Variants in NRXN3 observed in about 807,000 individuals in gnomAD.
NRXN3 encodes neurexin 3, also known as neurexin III.
NRXN3 carries 32 observed loss-of-function variants against 137.6 expected under a neutral mutation model. The ratio of observed to expected loss-of-function variants is 0.23; its 90% CI spans 0.18 to 0.31. The LOEUF is 0.31. Ranked by LOEUF, NRXN3 falls within the 10% of genes least tolerant of loss-of-function variation. The probability of loss-of-function intolerance (pLI) is 1.00; values close to 1 mark genes in which losing one functional copy is unlikely to be tolerated. For missense variants in NRXN3, 1,574 were observed against 2,062.5 expected, an observed-to-expected ratio of 0.76 and a Z score of 4.59; for synonymous variants, 798 against 784.5, an observed-to-expected ratio of 1.02 and a Z score of -0.29.
intron 19 of NRXN3, among the ~76,000 whole-genome samples, chr14:79,752,477 C>T (rs904013931): frequency 5.9e-5 from 9 of 152,140 alleles, no homozygotes; most frequent in African/African-American, 2.2e-4. Context: ...AAAGGATTCC[C>T]TATTTAATAA....
At chr14:79,012,395 A>G (rs1371909282) in intron 15 of NRXN3, among the ~76,000 whole-genome samples, 1 of 152,188 alleles carries the variant, frequency 6.6e-6, no homozygotes, top group Non-Finnish European at 1.5e-5. Flanking sequence ...AAAGAGGCAG[A>G]AATAGTAGAA....
chr14:79,703,427 CAG>C lies in NRXN3; in HGVS notation c.4014+5493_4014+5494del, dbSNP rs767516583. On this transcript the variant is annotated intron_variant, in intron 19 of 20. Transcript: ENST00000335750. ...TGTTGAAGAGCGTGGGCTTTTGCGT[CAG>C]AGTTTCTGAGTTGGACTCCAGGTTT... Among the ~76,000 whole-genome samples, 32 of 152,170 alleles carry C rather than the reference CAG, an allele frequency of 2.1e-4. 2 individuals carry two copies. In the East Asian group the frequency reaches 5.6e-3, roughly 27 times the overall value.
chr14:79,238,165 A>G lies in NRXN3; in HGVS notation c.3263-229056A>G, dbSNP rs2073726437. ...ACTTACAAGCGGGTGTGCTTAGTTT[A>G]ATGCTCTCCTATCACCACCTTGAAA... is the stretch of plus-strand genomic sequence containing the variant. On this transcript the variant is annotated intron_variant, in intron 15 of 20. Transcript: ENST00000335750. Among the ~76,000 whole-genome samples the G allele has an allele frequency of 2.0e-5, 3 of 152,202 alleles. No individual in the cohort carries two copies. The South Asian group carries it at 6.2e-4, about 32-fold the overall frequency.
intron 4 of NRXN3, among the ~76,000 whole-genome samples, chr14:78,584,066 T>C (rs986174887): frequency 7.2e-5 from 11 of 152,168 alleles, no homozygotes; most frequent in African/African-American, 2.7e-4. Flanking sequence ...TGAAGAAGAT[T>C]GTCTAGAGTC....
At chr14:78,291,590 A>C (rs557435282) in intron 3 of NRXN3, among the ~76,000 whole-genome samples, 1 of 152,158 alleles carries the variant, frequency 6.6e-6, no homozygotes, top group South Asian at 2.1e-4. Context: ...GTCACCCTAC[A>C]GACACTTTTG....
Position 79,570,178 on chromosome 14 carries a change from T to C in NRXN3, c.3445-93600T>C, listed in dbSNP as rs571556299. On this transcript the variant is annotated intron_variant, in intron 16 of 20. Transcript: ENST00000335750. ...CGCTAGAACACAGTCGGTACTCTCA[T>C]GTGTGTTTTCATTTTAGCCTCTTTG... Among the ~76,000 whole-genome samples the C allele has an allele frequency of 5.3e-5, 8 of 152,284 alleles. No individual in the cohort carries two copies. In the East Asian group the frequency reaches 1.5e-3, roughly 29 times the overall value.
At chr14:79,497,192 C>A (rs2096775121) in intron 16 of NRXN3, among the ~76,000 whole-genome samples, 1 of 152,178 alleles carries the variant, frequency 6.6e-6, no homozygotes, top group Non-Finnish European at 1.5e-5. Context: ...GTACAATTAA[C>A]CATGTTGCCT....
intron 4 of NRXN3, among the ~76,000 whole-genome samples, chr14:78,603,645 A>G (rs1190837758): frequency 1.3e-5 from 2 of 152,210 alleles, no homozygotes; most frequent in African/African-American, 4.8e-5. Flanking sequence ...TGCCTTACAC[A>G]TGTTCATTTT....
intron 15 of NRXN3, among the ~76,000 whole-genome samples, chr14:79,406,256 CT>C (rs2095309039): frequency 6.6e-6 from 1 of 150,442 alleles, no homozygotes; most frequent in Non-Finnish European, 1.5e-5. Context: ...CTCCCCTCCC[CT>C]CCCATCCTCT....
At chr14:79,833,587 A>T (rs2099329237) in intron 20 of NRXN3, among the ~76,000 whole-genome samples, 1 of 151,382 alleles carries the variant, frequency 6.6e-6, no homozygotes, top group Non-Finnish European at 1.5e-5. Flanking sequence ...TGCAGCCTTC[A>T]TCAGATTCTC....
chr14:78,243,879 C>A lies in NRXN3; in HGVS notation c.709+77C>A. 1 of 1,049,722 alleles carries A rather than the reference C, an allele frequency of 9.5e-7. No homozygotes were observed. 65.0% of individuals were successfully genotyped at this position (1,049,722 alleles called of 1,614,324 possible). On this transcript the variant is annotated intron_variant, in intron 2 of 20. Transcript: ENST00000335750. This position sits in a 1 kb window ranked among gnomAD's most constrained non-coding sequence, Gnocchi z 4.2. ...CTGGGGCTCCTGATACAAACCAGTT[C>A]TATATGGATGCATATCTTTAGCTGC...
chr14:78,348,405 G>A (rs549788110), intron 4 of NRXN3, among the ~76,000 whole-genome samples: 8 of 152,280 alleles, frequency 5.3e-5, no homozygotes, highest in Admixed American at 3.3e-4. Context: ...AAGGGCTTGC[G>A]ATAAGGATTC....
chr14:78,573,677 G>A (rs949672293), intron 4 of NRXN3, among the ~76,000 whole-genome samples: 1 of 152,164 alleles, frequency 6.6e-6, no homozygotes, highest in Non-Finnish European at 1.5e-5. Flanking sequence ...TCAGTTATAT[G>A]TATTCACAAA....
At chr14:78,516,867 C>A (rs1042764814) in intron 4 of NRXN3, among the ~76,000 whole-genome samples, 1 of 152,058 alleles carries the variant, frequency 6.6e-6, no homozygotes, top group Non-Finnish European at 1.5e-5. Context: ...ACATTATATA[C>A]AATAAACTGA....
chr14:78,576,495 T>C (rs996773406), intron 4 of NRXN3, among the ~76,000 whole-genome samples: 30 of 152,306 alleles, frequency 2.0e-4, no homozygotes, highest in South Asian at 4.1e-4. Context: ...TATTACTATT[T>C]TGGTGTTTGT....
intron 10 of NRXN3, among the ~76,000 whole-genome samples, chr14:78,832,548 G>A (rs2098985355): frequency 6.6e-6 from 1 of 152,014 alleles, no homozygotes; most frequent in African/African-American, 2.4e-5. Context: ...GTGCCTTGGT[G>A]TACAAGAGTA....
chr14:79,174,039 T>C (rs2062052418), intron 15 of NRXN3, among the ~76,000 whole-genome samples: 1 of 152,234 alleles, frequency 6.6e-6, no homozygotes, highest in African/African-American at 2.4e-5. Context: ...ATATGATTTG[T>C]TTTGTAATTG....
chr14:78,709,435 C>A lies in NRXN3; in HGVS notation c.1440C>A (p.Pro480=). 6.2e-7 allele frequency: 1 copy of A among 1,614,042 alleles called. No individual in the cohort carries two copies. The highest frequency in any genetic ancestry group is 1.1e-5 in the South Asian group (1 of 91,072). ...SISFDFRTTE[P]NGLILFTHGK... is the part of the protein sequence containing the mutation. ...CCTTTGACTTCCGCACCACAGAGCC[C>A]AATGGCCTGATCCTCTTCACTCATG... Residue 480 remains proline, a synonymous_variant, in exon 7 of 21, where the codon CCC becomes CCA. Transcript: ENST00000335750.
At chr14:79,121,105 A>G (rs1447939855) in intron 15 of NRXN3, among the ~76,000 whole-genome samples, 1 of 152,194 alleles carries the variant, frequency 6.6e-6, no homozygotes, top group Admixed American at 6.5e-5. Flanking sequence ...TTCAAAACAA[A>G]GAAGAAAAGC....
Sources: gnomAD v4.1 joint callset for allele counts (sites outside exome capture counted in the v4.1 genomes callset) on GRCh38, gnomAD v4.1.1 for gene constraint, Gnocchi (gnomAD v3.1) non-coding constraint, MANE v1.5 for transcripts, NCBI Gene and HGNC (gene_info 2026-07-23, HGNC 2026-07-21) for gene names.